CDH10: variants seen among roughly 807,000 people sequenced by gnomAD.
The protein encoded by CDH10 is cadherin 10, also known as cadherin-10.
A neutral mutation model predicts 73.1 loss-of-function variants in CDH10; 30 were observed. That is an observed-to-expected ratio of 0.41 (90% CI 0.31 to 0.56). CDH10 has a LOEUF of 0.56. Among genes scored for constraint, CDH10 ranks in the 20% least tolerant of loss-of-function variants. The pLI, the probability that CDH10 is intolerant of heterozygous loss-of-function variation, is 0.27. For missense variants in CDH10, 815 were observed against 973.7 expected, an observed-to-expected ratio of 0.84 and a Z score of 2.17; for synonymous variants, 345 against 348.2, an observed-to-expected ratio of 0.99 and a Z score of 0.10.
chr5:24,575,352 CAACAAAAAA>C (rs1745561145), intron 2 of CDH10, among the ~76,000 whole-genome samples: 1 of 47,202 alleles, frequency 2.1e-5, no homozygotes, highest in Non-Finnish European at 3.9e-5. Context: ...ACAACAAAAA[CAACAAAAAA>C]AAAAAAAAAA....
chr5:24,598,526 C>A (rs189774516), intron 1 of CDH10, among the ~76,000 whole-genome samples: 14 of 149,474 alleles, frequency 9.4e-5, no homozygotes, highest in Admixed American at 8.7e-4. Context: ...AAGAAACTTG[C>A]TTTGTTGTTC....
At chr5:24,608,103 A>C (rs1746819614) in intron 1 of CDH10, among the ~76,000 whole-genome samples, 1 of 152,146 alleles carries the variant, frequency 6.6e-6, no homozygotes, top group African/African-American at 2.4e-5. Context: ...ACAGTAGTAT[A>C]GCCATGTTCT....
intron 2 of CDH10, among the ~76,000 whole-genome samples, chr5:24,558,176 A>G (rs4455523): frequency 0.83 from 125,520 of 151,552 alleles, 52,019 homozygotes; most frequent in East Asian, 0.9. Context: ...GACATCCTGT[A>G]AATAATGTTG....
chr5:24,533,250 C>A (rs919941654), intron 5 of CDH10, among the ~76,000 whole-genome samples: 2 of 151,592 alleles, frequency 1.3e-5, no homozygotes, highest in African/African-American at 4.9e-5. Flanking sequence ...TCACTTGAAC[C>A]CGGGAGGTGG....
intron 9 of CDH10, among the ~76,000 whole-genome samples, chr5:24,498,081 G>T (rs976337835): frequency 2.0e-5 from 3 of 152,114 alleles, no homozygotes; most frequent in Admixed American, 1.3e-4. Context: ...TAATGACACA[G>T]CAGGCGGTCT....
intron 1 of CDH10, among the ~76,000 whole-genome samples, chr5:24,620,958 T>C (rs1284875660): frequency 6.6e-6 from 1 of 152,226 alleles, no homozygotes; most frequent in Non-Finnish European, 1.5e-5. Context: ...AAGGTCTAAC[T>C]GCCAGCATAA....
intron 1 of CDH10, among the ~76,000 whole-genome samples, chr5:24,619,587 T>C (rs559120088): frequency 2.0e-5 from 3 of 152,294 alleles, no homozygotes; most frequent in Non-Finnish European, 4.4e-5. Context: ...GTAAAACAAA[T>C]GTATTTTGCC....
chr5:24,556,299 C>A (rs1744766036), intron 2 of CDH10, among the ~76,000 whole-genome samples: 1 of 151,884 alleles, frequency 6.6e-6, no homozygotes, highest in South Asian at 2.1e-4. Flanking sequence ...TTTTCTTTAG[C>A]TAGGAAAGCA....
At chr5:24,581,475 A>G (rs1745796475) in intron 2 of CDH10, among the ~76,000 whole-genome samples, 3 of 152,126 alleles carry the variant, frequency 2.0e-5, no homozygotes, top group South Asian at 4.1e-4. Flanking sequence ...TGTAACAACT[A>G]TAAGAATAAT....
At chr5:24,541,439 T>C (rs1744151890) in intron 2 of CDH10, among the ~76,000 whole-genome samples, 1 of 152,200 alleles carries the variant, frequency 6.6e-6, no homozygotes, top group South Asian at 2.1e-4. Context: ...TCTTTATAAC[T>C]GCAGCTTTCT....
chr5:24,520,134 C>A (rs1451888585), intron 5 of CDH10, among the ~76,000 whole-genome samples: 2 of 152,024 alleles, frequency 1.3e-5, no homozygotes, highest in African/African-American at 2.4e-5. Flanking sequence ...TCAAATTCTG[C>A]GGTACTGGAG....
intron 1 of CDH10, among the ~76,000 whole-genome samples, chr5:24,606,803 T>C (rs950520187): frequency 6.6e-6 from 1 of 152,196 alleles, no homozygotes; most frequent in Non-Finnish European, 1.5e-5. Flanking sequence ...ACATATCCAT[T>C]ATATATCTAA....
intron 1 of CDH10, among the ~76,000 whole-genome samples, chr5:24,609,501 T>C (rs1746873239): frequency 1.3e-5 from 2 of 152,108 alleles, no homozygotes; most frequent in South Asian, 4.1e-4. Flanking sequence ...ACAAGAAACC[T>C]TGGACAACAG....
chr5:24,576,554 G>A (rs941068266), intron 2 of CDH10, among the ~76,000 whole-genome samples: 8 of 152,076 alleles, frequency 5.3e-5, no homozygotes, highest in Non-Finnish European at 1.0e-4. Flanking sequence ...CAAAACGATA[G>A]GGCAGAGTTC....
intron 2 of CDH10, among the ~76,000 whole-genome samples, chr5:24,561,855 G>A (rs1022018291): frequency 5.8e-4 from 89 of 152,146 alleles, no homozygotes; most frequent in African/African-American, 2.0e-3. Flanking sequence ...TAAAGATTGG[G>A]ATTCAGAACA....
chr5:24,511,579 G>C (rs1017877721), intron 5 of CDH10, 65 bp from the exon 6 acceptor site: 17 of 779,502 alleles, frequency 2.2e-5, no homozygotes, highest in Admixed American at 1.7e-4. Flanking sequence ...GAGAGAGAGA[G>C]AGAGAGAGAG....
At chr5:24,506,395 C>T (rs180977104) in intron 7 of CDH10, among the ~76,000 whole-genome samples, 15 of 152,272 alleles carry the variant, frequency 9.9e-5, no homozygotes, top group African/African-American at 3.6e-4. Context: ...TGTCTCTCCA[C>T]TTGGAATAAT....
At chr5:24,569,772 T>A (rs1258946009) in intron 2 of CDH10, among the ~76,000 whole-genome samples, 1 of 152,064 alleles carries the variant, frequency 6.6e-6, no homozygotes, top group African/African-American at 2.4e-5. Flanking sequence ...TGTGCTTTTT[T>A]TTTTTTTATT....
chr5:24,575,162 G>A (rs908370911), intron 2 of CDH10, among the ~76,000 whole-genome samples: 1 of 151,820 alleles, frequency 6.6e-6, no homozygotes, highest in African/African-American at 2.4e-5. Flanking sequence ...AGGAGCTCCA[G>A]ACCAGCTTGG....
Sources: gnomAD v4.1 joint callset for allele counts (sites outside exome capture counted in the v4.1 genomes callset) on GRCh38, gnomAD v4.1.1 for gene constraint, MANE v1.5 for transcripts, NCBI Gene and HGNC (gene_info 2026-07-23, HGNC 2026-07-21) for gene names.